DLG1: variants seen among roughly 807,000 people sequenced by gnomAD.
The protein encoded by DLG1 is discs large MAGUK scaffold protein 1.
A neutral mutation model predicts 123.4 loss-of-function variants in DLG1; 42 were observed. The ratio of observed to expected loss-of-function variants is 0.34; its 90% CI spans 0.27 to 0.44. The LOEUF (loss-of-function observed/expected upper bound fraction) is 0.44, where lower values mean the gene tolerates loss of function less well. Ranked by LOEUF, DLG1 falls within the 20% of genes least tolerant of loss-of-function variation. DLG1 has a pLI of 1.00. For synonymous variants in DLG1, 317 were observed against 356.2 expected, an observed-to-expected ratio of 0.89 and a Z score of 1.24; for missense variants, 942 against 1,082.6, an observed-to-expected ratio of 0.87 and a Z score of 1.82.
chr3:197,256,215 A>C (rs1756810533), intron 4 of DLG1, among the ~76,000 whole-genome samples: 1 of 152,198 alleles, frequency 6.6e-6, no homozygotes, highest in Non-Finnish European at 1.5e-5. Context: ...ATTGTCTGTA[A>C]AAGTCTAGAG....
chr3:197,156,406 A>C (rs1416074766), intron 5 of DLG1, among the ~76,000 whole-genome samples: 1 of 152,160 alleles, frequency 6.6e-6, no homozygotes, highest in Admixed American at 6.5e-5. Flanking sequence ...AAAAGCTACA[A>C]GGCATATATA....
At chr3:197,175,657 A>G (rs536614674) in intron 5 of DLG1, among the ~76,000 whole-genome samples, 40 of 152,220 alleles carry the variant, frequency 2.6e-4, no homozygotes, top group Admixed American at 1.0e-3. Flanking sequence ...TTCAACAAAT[A>G]TTTATCAAGT....
intron 18 of DLG1, 118 bp from the exon 19 acceptor site, chr3:197,069,378 TTTC>T: frequency 2.0e-6 from 1 of 512,340 alleles, no homozygotes; most frequent in Non-Finnish European, 3.2e-6. Flanking sequence ...TTAAAAGCAT[TTTC>T]TTTTTCTTTG....
chr3:197,288,476 C>A (rs957776077), intron 3 of DLG1, among the ~76,000 whole-genome samples: 2 of 150,958 alleles, frequency 1.3e-5, no homozygotes, highest in Admixed American at 1.3e-4. Context: ...AATCCCAGCA[C>A]TTCGAGAGGC....
chr3:197,164,786 G>A (rs182720107), intron 5 of DLG1, among the ~76,000 whole-genome samples: 23 of 151,792 alleles, frequency 1.5e-4, no homozygotes, highest in Admixed American at 1.5e-3. Flanking sequence ...GCTAGGTGCG[G>A]TGGTGCATGC....
chr3:197,289,331 T>TACACAC (rs1338177347), intron 3 of DLG1, among the ~76,000 whole-genome samples: 2 of 107,232 alleles, frequency 1.9e-5, no homozygotes, highest in Non-Finnish European at 3.9e-5. Context: ...GTGGCGTGTA[T>TACACAC]ACACGCGCAT....
Position 197,209,155 on chromosome 3 carries a change from G to C in DLG1, c.319-14566C>G, listed in dbSNP as rs773492558. Among the ~76,000 whole-genome samples, 12 of 146,114 alleles carry C rather than the reference G, an allele frequency of 8.2e-5. 2 individuals are homozygous for C. Among genetic ancestry groups the C allele is most frequent in the Non-Finnish European group, 1.4e-4 (9 of 65,096 alleles). ...ATGAATCTTACTTCATGCAAAGCGA[G>C]AGATATACTTCGTAAAAAAAGGCAG... On this transcript the variant is annotated intron_variant, in intron 4 of 24. Transcript: ENST00000667157.
chr3:197,113,567 C>T (rs949537728), intron 13 of DLG1, among the ~76,000 whole-genome samples: 2 of 152,038 alleles, frequency 1.3e-5, no homozygotes, highest in Admixed American at 6.6e-5. Context: ...AAGACAGTAG[C>T]TTTAGTATGC....
At chr3:197,047,301 A>T (rs572117101) in intron 24 of DLG1, among the ~76,000 whole-genome samples, 3 of 152,364 alleles carry the variant, frequency 2.0e-5, no homozygotes, top group Admixed American at 2.0e-4. Flanking sequence ...TGTATCAGAA[A>T]AAAACCTATA....
Position 197,116,075 on chromosome 3 carries a change from C to T in DLG1, c.1295G>A (p.Arg432Lys). The T allele has an allele frequency of 6.3e-7, 1 of 1,588,950 alleles. No individual in the cohort carries two copies. Among genetic ancestry groups the T allele is most frequent in the African/African-American group, 1.4e-5 (1 of 73,156 alleles). Residue 432 changes from arginine to lysine, a missense_variant, in exon 13 of 25, where the codon AGA (arginine) becomes AAA (lysine). Transcript: ENST00000667157. ...LGDDEITREP[R>K]KVVLHRGSTG... Reference sequence around the variant, plus strand: ...TGAGCCACGATGAAGAACAACTTTTCTAGGTTCCCTAAAAATTAAAAAAAA... The same window carrying T: ...TGAGCCACGATGAAGAACAACTTTTTTAGGTTCCCTAAAAATTAAAAAAAA...
At chr3:197,152,228 T>G (rs1378307988) in intron 5 of DLG1, among the ~76,000 whole-genome samples, 1 of 151,986 alleles carries the variant, frequency 6.6e-6, no homozygotes, top group Non-Finnish European at 1.5e-5. Flanking sequence ...CACTGAGTGG[T>G]AGAGGGAGGT....
At position 197,192,443 on chromosome 3, in the gene DLG1, A is replaced by C. The variant is rs1446920575; in HGVS notation, c.483+1982T>G. Among the ~76,000 whole-genome samples the C allele has an allele frequency of 6.6e-5, 10 of 152,198 alleles. No homozygotes were observed. In the East Asian group the frequency reaches 1.9e-3, roughly 29 times the overall value. The stretch of plus-strand genomic sequence containing the variant: ...TGAGAAACTAGAAAAACAAGAAAAC[A>C]GAATAAACTCAAAGAAACCAAAAAA... On this transcript the variant is annotated intron_variant, in intron 5 of 24. Transcript: ENST00000667157.
At chr3:197,140,363 C>A in intron 7 of DLG1, 99 bp from the exon 8 acceptor site, 1 of 1,238,720 alleles carries the variant, frequency 8.1e-7, no homozygotes, top group East Asian at 2.4e-5. Context: ...ACATAAGGAA[C>A]ACAACAAATA....
chr3:197,235,100 C>A (rs1393701175), intron 4 of DLG1, among the ~76,000 whole-genome samples: 1 of 152,084 alleles, frequency 6.6e-6, no homozygotes, highest in East Asian at 1.9e-4. Flanking sequence ...GGACAACAAG[C>A]AGTACAGGAC....
chr3:197,120,436 G>A (rs1433674777), intron 11 of DLG1, among the ~76,000 whole-genome samples: 1 of 152,182 alleles, frequency 6.6e-6, no homozygotes. Flanking sequence ...GGCAGCTGTA[G>A]CTTACAAAGA....
chr3:197,160,774 G>A (rs1040580103), intron 5 of DLG1, among the ~76,000 whole-genome samples: 2 of 151,874 alleles, frequency 1.3e-5, no homozygotes, highest in Non-Finnish European at 2.9e-5. Context: ...TTCCCCAATG[G>A]AGCTTATTTT....
intron 14 of DLG1, among the ~76,000 whole-genome samples, chr3:197,093,028 C>A (rs1229743017): frequency 6.6e-6 from 1 of 152,154 alleles, no homozygotes; most frequent in Non-Finnish European, 1.5e-5. Flanking sequence ...CTGTCCTGAT[C>A]CTTATATGTC....
At chr3:197,275,810 T>C (rs1003857647) in intron 4 of DLG1, among the ~76,000 whole-genome samples, 5 of 152,162 alleles carry the variant, frequency 3.3e-5, no homozygotes, top group African/African-American at 1.2e-4. Flanking sequence ...AAGTGTTCAA[T>C]AGCACAGTAG....
At chr3:197,202,636 T>C (rs1726379037) in intron 4 of DLG1, among the ~76,000 whole-genome samples, 1 of 152,208 alleles carries the variant, frequency 6.6e-6, no homozygotes, top group African/African-American at 2.4e-5. Context: ...CAGGCATTCT[T>C]AAAGTGGCAA....
Sources: gnomAD v4.1 joint callset for allele counts (sites outside exome capture counted in the v4.1 genomes callset) on GRCh38, gnomAD v4.1.1 for gene constraint, MANE v1.5 for transcripts, NCBI Gene and HGNC (gene_info 2026-07-23, HGNC 2026-07-21) for gene names.